Variants in SEPTIN6 observed in about 807,000 individuals in gnomAD.
The protein encoded by SEPTIN6 is septin 6.
Under a neutral mutation model 33.6 loss-of-function variants are expected in SEPTIN6, and 8 were observed. That is an observed-to-expected ratio of 0.24 (90% CI 0.14 to 0.43). The LOEUF (loss-of-function observed/expected upper bound fraction) is 0.43. SEPTIN6 is among the 20% of genes least tolerant of loss of function. The pLI is 1.00. For missense variants in SEPTIN6, 250 were observed against 340.8 expected (o/e 0.73, Z 2.10); for synonymous variants, 131 against 140.0 (o/e 0.94, Z 0.45).
chrX:119,640,101 C>T (rs957609343), intron 6 of SEPTIN6, among the ~76,000 whole-genome samples: 12 of 105,167 alleles, frequency 1.1e-4, no homozygotes, highest in South Asian at 4.4e-4. Context: ...AGTGAGCCAC[C>T]GCGCCCAGCC....
At chrX:119,640,168 C>CTTTTTTTTTTTTTT (rs57021804) in intron 6 of SEPTIN6, among the ~76,000 whole-genome samples, 10 of 20,182 alleles carry the variant, frequency 5.0e-4, no homozygotes, top group Non-Finnish European at 7.5e-4. Flanking sequence ...ACTATCCAGT[C>CTTTTTTTTTTTTTT]TTTTTTTTTT....
Position 119,653,370 on chromosome X carries a change from C to T in SEPTIN6, c.342-330G>A, listed in dbSNP as rs190607019. On this transcript the variant is annotated intron_variant, in intron 3 of 10. Transcript: ENST00000394610. Reference sequence around the variant, plus strand: ...CCACTTATGCCAGAAATCCCTTCTGCGAGTCAGGGGCATAACAAGAAATGG... The same window carrying T: ...CCACTTATGCCAGAAATCCCTTCTGTGAGTCAGGGGCATAACAAGAAATGG... Among the ~76,000 whole-genome samples the T allele has an allele frequency of 6.7e-4, 75 of 112,283 alleles. 1 individual carries two copies. Among genetic ancestry groups the T allele is most frequent in the African/African-American group, 2.4e-3 (73 of 30,932 alleles).
intron 3 of SEPTIN6, among the ~76,000 whole-genome samples, chrX:119,661,356 A>G (rs1298054382): frequency 2.7e-5 from 3 of 110,796 alleles, no homozygotes; most frequent in Admixed American, 1.9e-4. Context: ...GCGTGAACCC[A>G]GGAGGCGGAG....
At chrX:119,646,095 T>C (rs1171652187) in intron 5 of SEPTIN6, among the ~76,000 whole-genome samples, 1 of 111,919 alleles carries the variant, frequency 8.9e-6, no homozygotes, top group Middle Eastern at 4.2e-3. Flanking sequence ...CTGATTGGGC[T>C]TGGTTTCCTC....
chrX:119,618,572 GT>G lies in SEPTIN6; in HGVS notation c.*1520del. On this transcript the variant is annotated 3_prime_UTR_variant, in exon 11 of 11. Coordinates refer to ENST00000394610, the MANE Select transcript of SEPTIN6 (RefSeq NM_145799.4). ...AAAAAAATAGAAGTAGGTGGTCATG[GT>G]CAGTGCCAGTGGGGCTGGGAGGCAG... 1 of 987,515 alleles carries G rather than the reference GT, an allele frequency of 1.0e-6. No homozygotes were observed. Among genetic ancestry groups the G allele is most frequent in the Non-Finnish European group, 1.3e-6 (1 of 779,086 alleles). The allele number at this position is 987,515 out of a possible 1,213,427, so 81.4% of individuals were successfully genotyped here.
intron 3 of SEPTIN6, 47 bp from the exon 4 acceptor site, chrX:119,653,087 A>G: frequency 1.9e-6 from 2 of 1,041,595 alleles, no homozygotes; most frequent in African/African-American, 3.7e-5. Flanking sequence ...AAAAACTTGG[A>G]TTTTGACACC....
intron 2 of SEPTIN6, 120 bp downstream of exon 2, chrX:119,675,434 G>C (rs1380186422): frequency 1.4e-5 from 5 of 367,024 alleles, no homozygotes; most frequent in Non-Finnish European, 9.3e-6. Context: ...GAAGAGGGGA[G>C]AGACACTCTC....
intron 10 of SEPTIN6, among the ~76,000 whole-genome samples, chrX:119,621,446 G>GTGT (rs2053759617): frequency 1.6e-5 from 1 of 63,483 alleles, no homozygotes; most frequent in African/African-American, 6.1e-5. Flanking sequence ...GCCCAGAGCT[G>GTGT]GTGTGTGTGT....
Position 119,663,539 on chromosome X carries a change from A to G in SEPTIN6, c.284T>C (p.Leu95Pro). ...TYDLQESNVRLKLTIVSTVGF... is the reference protein window; with the variant it reads ...TYDLQESNVRPKLTIVSTVGF... ...AACTGTGCTAACGATCGTGAGCTTT[A>G]GCCTCACGTTGCTCTCTTGGAGGTC... The change falls in exon 3 of 11, where the codon CTA becomes CCA. Residue 95 changes from leucine to proline, a missense_variant. This residue lies in a region of SEPTIN6 where 111 missense variants were observed against 113.8 expected (regional missense o/e 0.98). Coordinates refer to ENST00000394610, the MANE Select transcript of SEPTIN6 (RefSeq NM_145799.4). 1 of 1,083,197 alleles carries G rather than the reference A, an allele frequency of 9.2e-7. No individual in the cohort carries two copies. The highest frequency in any genetic ancestry group is 1.2e-6 in the Non-Finnish European group (1 of 818,214). 89.3% of individuals were successfully genotyped at this position (1,083,197 alleles called of 1,213,427 possible). A position where few individuals can be genotyped will look rare whatever the true frequency, so the allele number is the denominator to read the frequency against.
intron 6 of SEPTIN6, 68 bp downstream of exon 6, chrX:119,640,624 C>A: frequency 1.1e-6 from 1 of 890,195 alleles, no homozygotes; most frequent in Non-Finnish European, 1.6e-6. Flanking sequence ...CATATAGTGG[C>A]TGGGGACAAA....
intron 1 of SEPTIN6, among the ~76,000 whole-genome samples, chrX:119,685,565 A>G (rs1347611661): frequency 8.9e-6 from 1 of 111,920 alleles, no homozygotes; most frequent in African/African-American, 3.2e-5. Context: ...AGACTCACAG[A>G]GAGGAAGTGA....
chrX:119,622,828 C>T (rs1052689458), intron 10 of SEPTIN6, among the ~76,000 whole-genome samples: 3 of 112,130 alleles, frequency 2.7e-5, no homozygotes, highest in Admixed American at 9.5e-5. Context: ...CACTTCACTA[C>T]GCACTGGAAC....
At chrX:119,678,243 G>T (rs962518773) in intron 1 of SEPTIN6, among the ~76,000 whole-genome samples, 14 of 109,995 alleles carry the variant, frequency 1.3e-4, no homozygotes, top group African/African-American at 4.6e-4. Context: ...TGTCTCGGCC[G>T]GGCGCGGTGG....
chrX:119,686,735 G>A (rs1239672433), intron 1 of SEPTIN6: 1 of 407,333 alleles, frequency 2.5e-6, no homozygotes, highest in African/African-American at 2.7e-5. Flanking sequence ...TACATGGCTG[G>A]TGGCTCCAAG....
At position 119,625,320 on chromosome X, in the gene SEPTIN6, GT is replaced by G; in HGVS notation, c.*41+14del. 2 of 1,173,894 alleles carry G rather than the reference GT, an allele frequency of 1.7e-6. No individual in the cohort carries two copies. The highest frequency in any genetic ancestry group is 2.3e-6 in the Non-Finnish European group (2 of 861,463). ...GAAGCCACTGCCAGTTCTATTTAGA[GT>G]TAATCAAGCTTACCAGGACCCTGGG... On this transcript the variant is annotated intron_variant, in intron 10 of 10. Transcript: ENST00000394610.
In SEPTIN6 at chrX:119,653,491, G is replaced by A. The variant is rs182897513; in HGVS notation, c.342-451C>T. On this transcript the variant is annotated intron_variant, in intron 3 of 10. Transcript: ENST00000394610. ...TGTGAAGGGCACTTGTCTGTCCCTCGGGGGGCCCCAACACAGCATGGAGCC... is the reference window on the plus strand; with the variant it reads ...TGTGAAGGGCACTTGTCTGTCCCTCAGGGGGCCCCAACACAGCATGGAGCC... Among the ~76,000 whole-genome samples, 714 of 112,429 alleles carry A rather than the reference G, an allele frequency of 6.4e-3. 7 individuals are homozygous for A. Among genetic ancestry groups the A allele is most frequent in the African/African-American group, 0.022 (667 of 30,965 alleles).
At chrX:119,673,841 CAAAAAAAAAAA>C (rs774954935) in intron 2 of SEPTIN6, among the ~76,000 whole-genome samples, 276 of 38,188 alleles carry the variant, frequency 7.2e-3, no homozygotes, top group African/African-American at 0.016. Flanking sequence ...GACTCTGTCT[CAAAAAAAAAAA>C]AAAAAAAAAG....
chrX:119,650,249 C>T (rs757085898), intron 4 of SEPTIN6, 151 bp from the exon 5 acceptor site: 11 of 502,136 alleles, frequency 2.2e-5, no homozygotes, highest in South Asian at 1.3e-4. Context: ...ATATAATAAA[C>T]GACAAGTACT....
rs187184747 is a variant in SEPTIN6, at chrX:119,647,194, C to T, written c.690+2743G>A. Among the ~76,000 whole-genome samples, 440 of 109,896 alleles carry T rather than the reference C, an allele frequency of 4.0e-3. 7 individuals are homozygous for T. The highest frequency in any genetic ancestry group is 0.014 in the African/African-American group (426 of 30,183). ...CAGTGAGCTGAAATTGATTGCATCACTGTACTCCAGCCTGGGCGACAGAGT... is the reference window on the plus strand; with the variant it reads ...CAGTGAGCTGAAATTGATTGCATCATTGTACTCCAGCCTGGGCGACAGAGT... On this transcript the variant is annotated intron_variant, in intron 5 of 10. Transcript: ENST00000394610.
Sources: gnomAD v4.1 joint callset for allele counts (sites outside exome capture counted in the v4.1 genomes callset) on GRCh38, gnomAD v4.1.1 for gene constraint, gnomAD v4.1.1 regional missense constraint, MANE v1.5 for transcripts, NCBI Gene and HGNC (gene_info 2026-07-23, HGNC 2026-07-21) for gene names.